Variants in CERS6 observed in about 807,000 individuals in gnomAD.
CERS6 encodes LAG1 homolog, ceramide synthase 6.
A neutral mutation model predicts 56.8 loss-of-function variants in CERS6; 26 were observed. The ratio of observed to expected loss-of-function variants is 0.46; its 90% confidence interval spans 0.34 to 0.63. CERS6 has a LOEUF of 0.63. CERS6 is among the 30% of genes least tolerant of loss of function. The pLI is 0.01. For synonymous variants in CERS6, 164 were observed against 173.3 expected (o/e 0.95, Z 0.42); for missense variants, 415 against 467.5 (o/e 0.89, Z 1.04).
At position 168,710,235 on chromosome 2, in the gene CERS6, G is replaced by A. The variant is rs147693718; in HGVS notation, c.610-4766G>A. ...CTGATGTTATATCAGATACATCTCA[G>A]GAAACTTAATTATAAAATGGTACTA... On this transcript the variant is annotated intron_variant, in intron 6 of 9. Transcript: ENST00000305747. 4.2e-3 allele frequency among the ~76,000 whole-genome samples: 645 copies of A among 152,240 alleles called. 5 individuals carry two copies. Among genetic ancestry groups the A allele is most frequent in the African/African-American group, 0.015 (611 of 41,548 alleles).
rs1007292070 is a variant in CERS6 at position 168,748,687 on chromosome 2, A to C, written c.846-16905A>C. 5.3e-4 allele frequency among the ~76,000 whole-genome samples: 81 copies of C among 152,150 alleles called. 1 individual carries two copies. The highest frequency in any genetic ancestry group is 1.9e-4 in the Non-Finnish European group (13 of 68,028). On this transcript the variant is annotated intron_variant, in intron 8 of 9. Coordinates refer to ENST00000305747, the MANE Select transcript of CERS6 (RefSeq NM_203463.3). ...AATTGGTCACATCAGGCAGATTTCC[A>C]GCCTGGCAGTTACAGGTGGAAAAGG...
chr2:168,700,564 TTAAG>T (rs1275919252), intron 6 of CERS6, among the ~76,000 whole-genome samples: 12 of 152,196 alleles, frequency 7.9e-5, no homozygotes, highest in Non-Finnish European at 1.3e-4. Flanking sequence ...AAATTTATCA[TTAAG>T]TAAAAGTCCT....
chr2:168,760,948 G>A (rs958984349), intron 8 of CERS6, among the ~76,000 whole-genome samples: 3 of 152,018 alleles, frequency 2.0e-5, no homozygotes, highest in Admixed American at 6.5e-5. Flanking sequence ...TAGTAGAGAC[G>A]GGGTTTCACT....
At chr2:168,566,652 A>G (rs1695888584) in intron 3 of CERS6, among the ~76,000 whole-genome samples, 1 of 152,208 alleles carries the variant, frequency 6.6e-6, no homozygotes, top group South Asian at 2.1e-4. Flanking sequence ...GTGGAGCCTA[A>G]TAATTGATGA....
intron 3 of CERS6, among the ~76,000 whole-genome samples, chr2:168,620,568 C>T (rs1574105985): frequency 6.6e-6 from 1 of 152,116 alleles, no homozygotes; most frequent in East Asian, 1.9e-4. Context: ...TTTTAGTCCC[C>T]ATTGTCAGAT....
At chr2:168,474,073 CAAAAG>C (rs1294970461) in intron 1 of CERS6, among the ~76,000 whole-genome samples, 1 of 152,132 alleles carries the variant, frequency 6.6e-6, no homozygotes, top group Admixed American at 6.6e-5. Context: ...CTCAAAAAAA[CAAAAG>C]AAAATATGAA....
intron 1 of CERS6, among the ~76,000 whole-genome samples, chr2:168,528,728 A>G (rs1259767900): frequency 6.6e-6 from 1 of 152,176 alleles, no homozygotes; most frequent in African/African-American, 2.4e-5. Context: ...CAAACAAAAA[A>G]CAGGAGAAAG....
At chr2:168,741,705 A>G (rs1477008222) in intron 8 of CERS6, among the ~76,000 whole-genome samples, 1 of 152,184 alleles carries the variant, frequency 6.6e-6, no homozygotes, top group Non-Finnish European at 1.5e-5. Flanking sequence ...ATAAGTAAGG[A>G]AAATGTTTAT....
chr2:168,760,793 T>C (rs1684557158), intron 8 of CERS6, among the ~76,000 whole-genome samples: 1 of 151,760 alleles, frequency 6.6e-6, no homozygotes, highest in Non-Finnish European at 1.5e-5. Context: ...TCTTGCTCTG[T>C]CGCCCAGGCT....
In CERS6 at chr2:168,616,942, A is replaced by G. The variant is rs184002899; in HGVS notation, c.408-14043A>G. 6.6e-5 allele frequency among the ~76,000 whole-genome samples: 10 copies of G among 152,366 alleles called. No individual in the cohort carries two copies. The East Asian group carries it at 1.7e-3, about 26-fold the overall frequency. On this transcript the variant is annotated intron_variant, in intron 3 of 9. Transcript: ENST00000305747. Reference sequence around the variant, plus strand: ...CAACCACAGAATATGCATTTGATTCATCAGCACATGGAACCTTCTCCAAGA... The same window carrying G: ...CAACCACAGAATATGCATTTGATTCGTCAGCACATGGAACCTTCTCCAAGA...
intron 4 of CERS6, among the ~76,000 whole-genome samples, chr2:168,631,410 T>A (rs1239722582): frequency 7.4e-6 from 1 of 134,364 alleles, no homozygotes; most frequent in Non-Finnish European, 1.5e-5. Context: ...ATATATTATA[T>A]AATATTATGT....
rs141501404 is a variant in CERS6 at position 168,678,892 on chromosome 2, T to C, written c.466-12142T>C. Among the ~76,000 whole-genome samples the C allele has an allele frequency of 2.5e-3, 387 of 152,332 alleles. 1 individual carries two copies. The highest frequency in any genetic ancestry group is 8.8e-3 in the African/African-American group (367 of 41,580). ...AGAGATATCTGCACTCCCATGTTTATTGCAGCAACATTCAAAATAGCCAAA... is the reference window on the plus strand; with the variant it reads ...AGAGATATCTGCACTCCCATGTTTACTGCAGCAACATTCAAAATAGCCAAA... On this transcript the variant is annotated intron_variant, in intron 4 of 9. Coordinates refer to ENST00000305747, the MANE Select transcript of CERS6 (RefSeq NM_203463.3).
rs192136227 is a variant in CERS6, at chr2:168,657,806, C to A, written c.465+26764C>A. Reference sequence around the variant, plus strand: ...CAAGCGCCGCACGCAGCCCCGGTTCCCGCTCGTGCCTCTCCCTCCACACCT... The same window carrying A: ...CAAGCGCCGCACGCAGCCCCGGTTCACGCTCGTGCCTCTCCCTCCACACCT... On this transcript the variant is annotated intron_variant, in intron 4 of 9. Transcript: ENST00000305747. Among the ~76,000 whole-genome samples, 82 of 152,360 alleles carry A rather than the reference C, an allele frequency of 5.4e-4. No individual in the cohort carries two copies. In the East Asian group the frequency reaches 0.011, roughly 21 times the overall value.
chr2:168,523,147 C>T (rs1253318780), intron 1 of CERS6, among the ~76,000 whole-genome samples: 6 of 152,134 alleles, frequency 3.9e-5, no homozygotes, highest in African/African-American at 9.7e-5. Flanking sequence ...GCCATAGAGA[C>T]GTAGAGCCTT....
chr2:168,527,753 C>T (rs941295897), intron 1 of CERS6, among the ~76,000 whole-genome samples: 5 of 152,066 alleles, frequency 3.3e-5, no homozygotes, highest in Admixed American at 1.3e-4. Flanking sequence ...TAGAGTTTGG[C>T]GCTATTGCCC....
chr2:168,625,739 A>G (rs1260482063), intron 3 of CERS6, among the ~76,000 whole-genome samples: 1 of 152,210 alleles, frequency 6.6e-6, no homozygotes, highest in Non-Finnish European at 1.5e-5. Context: ...ACAGTGGCTC[A>G]GCAGGTAGAG....
At chr2:168,730,435 T>C (rs1683491868) in intron 8 of CERS6, among the ~76,000 whole-genome samples, 1 of 152,052 alleles carries the variant, frequency 6.6e-6, no homozygotes, top group Non-Finnish European at 1.5e-5. Context: ...GGCTCCTGAG[T>C]GAAGCAAAGA....
chr2:168,630,121 C>A (rs1684679367), intron 3 of CERS6, among the ~76,000 whole-genome samples: 1 of 151,898 alleles, frequency 6.6e-6, no homozygotes, highest in African/African-American at 2.4e-5. Flanking sequence ...CAGCCCTTAA[C>A]TATTATACTA....
At chr2:168,535,965 T>C (rs1695256043) in intron 1 of CERS6, among the ~76,000 whole-genome samples, 1 of 152,058 alleles carries the variant, frequency 6.6e-6, no homozygotes, top group Non-Finnish European at 1.5e-5. Context: ...CTACTTAACG[T>C]CTTTTGCCCA....
Sources: gnomAD v4.1 joint callset for allele counts (sites outside exome capture counted in the v4.1 genomes callset) on GRCh38, gnomAD v4.1.1 for gene constraint, MANE v1.5 for transcripts, NCBI Gene and HGNC (gene_info 2026-07-23, HGNC 2026-07-21) for gene names.